GRM5: variants seen among roughly 807,000 people sequenced by gnomAD.
The protein encoded by GRM5 is metabotropic glutamate receptor 5.
GRM5 carries 19 observed loss-of-function variants against 83.1 expected under a neutral mutation model. The observed-to-expected ratio is 0.23, with a 90% CI of 0.16 to 0.34. The LOEUF (loss-of-function observed/expected upper bound fraction) is 0.34. Among genes scored for constraint, GRM5 ranks in the 10% least tolerant of loss-of-function variants. GRM5 has a pLI of 1.00. For missense variants in GRM5, 1,160 were observed against 1,588.3 expected (o/e 0.73, Z 4.58); for synonymous variants, 675 against 633.6 (o/e 1.07, Z -0.98).
At chr11:88,758,722 A>C (rs895254950) in intron 3 of GRM5, among the ~76,000 whole-genome samples, 5 of 152,186 alleles carry the variant, frequency 3.3e-5, no homozygotes, top group African/African-American at 4.8e-5. Flanking sequence ...GCAAATGTTT[A>C]TATTCAGGAA....
chr11:88,850,303 G>A, intron 2 of GRM5, 148 bp from the exon 3 acceptor site: 5 of 727,308 alleles, frequency 6.9e-6, no homozygotes, highest in Non-Finnish European at 1.1e-5. Flanking sequence ...TTGCTCTTTT[G>A]CCGAATTGCT....
Position 88,508,874 on chromosome 11 carries a change from C to G in GRM5, c.3357G>C (p.Pro1119=). 6.3e-7 allele frequency: 1 copy of G among 1,588,392 alleles called. No individual in the cohort carries two copies. The highest frequency in any genetic ancestry group is 8.6e-7 in the Non-Finnish European group (1 of 1,168,732). The change falls in exon 10 of 10, where the codon CCG becomes CCC. Residue 1119 remains proline (P), a synonymous_variant. Transcript: ENST00000305447. The surrounding 1 kb of genome is among the most constrained non-coding windows in gnomAD (Gnocchi z 4.2). ...GCGCGCCTCCCGTGACTTCGATGGC[C>G]GGCAGAGGCTGGATTTCGGCAAAGG... is the stretch of plus-strand genomic sequence containing the variant. ...MTTFAEIQPL[P]AIEVTGGAQP... is the part of the protein sequence containing the mutation.
intron 3 of GRM5, among the ~76,000 whole-genome samples, chr11:88,791,112 G>A (rs947391821): frequency 1.3e-5 from 2 of 152,170 alleles, no homozygotes; most frequent in African/African-American, 4.8e-5. Flanking sequence ...TAAACCAGTA[G>A]CATGAACAGG....
chr11:88,835,565 T>C (rs1486805809), intron 3 of GRM5, among the ~76,000 whole-genome samples: 1 of 152,162 alleles, frequency 6.6e-6, no homozygotes, highest in African/African-American at 2.4e-5. Flanking sequence ...TGGAATATGA[T>C]GGCAAAGGGG....
intron 3 of GRM5, among the ~76,000 whole-genome samples, chr11:88,789,110 C>G (rs11825174): frequency 4.9e-4 from 74 of 152,204 alleles, no homozygotes; most frequent in Non-Finnish European, 8.7e-4. Context: ...GAATCGTGTT[C>G]TAAACCAGAC....
chr11:88,737,812 G>T (rs1487170248), intron 3 of GRM5, among the ~76,000 whole-genome samples: 4 of 151,962 alleles, frequency 2.6e-5, no homozygotes, highest in African/African-American at 9.7e-5. Context: ...CATTTAAACA[G>T]ATTTAAAAGA....
At chr11:88,523,683 G>T (rs1431111259) in intron 9 of GRM5, among the ~76,000 whole-genome samples, 1 of 152,188 alleles carries the variant, frequency 6.6e-6, no homozygotes, top group Admixed American at 6.5e-5. Context: ...CATAGACAAA[G>T]TTGGCCAAGC....
intron 2 of GRM5, among the ~76,000 whole-genome samples, chr11:88,875,306 C>A (rs1944833260): frequency 6.6e-6 from 1 of 151,994 alleles, no homozygotes; most frequent in South Asian, 2.1e-4. Context: ...CTTTGCTTAT[C>A]TATTAGAAGC....
At chr11:88,767,448 G>C (rs1942645324) in intron 3 of GRM5, among the ~76,000 whole-genome samples, 1 of 151,952 alleles carries the variant, frequency 6.6e-6, no homozygotes, top group Non-Finnish European at 1.5e-5. Flanking sequence ...TGGTCGACTG[G>C]ATAAAGAAAA....
intron 4 of GRM5, among the ~76,000 whole-genome samples, chr11:88,606,040 C>T (rs1007892668): frequency 6.6e-6 from 1 of 152,122 alleles, no homozygotes; most frequent in Non-Finnish European, 1.5e-5. Flanking sequence ...GAGCATTAAG[C>T]TAAGTATCAA....
intron 3 of GRM5, among the ~76,000 whole-genome samples, chr11:88,803,344 A>C: frequency 6.6e-6 from 1 of 152,024 alleles, no homozygotes. Flanking sequence ...AGAGATATAG[A>C]TCAATGGAAC....
At position 89,001,828 on chromosome 11, in the gene GRM5, G is replaced by A. The variant is rs187815632; in HGVS notation, c.661+45384C>T. ...ACCTGGCTTATTAAAAATGTCATCC[G>A]AAGACTGTCATATCACATTAATCAT... On this transcript the variant is annotated intron_variant, in intron 2 of 9. Coordinates refer to ENST00000305447, the MANE Select transcript of GRM5 (RefSeq NM_001143831.3). Among the ~76,000 whole-genome samples the A allele has an allele frequency of 3.9e-5, 6 of 152,224 alleles. No individual in the cohort carries two copies. The East Asian group carries it at 7.7e-4, about 20-fold the overall frequency.
At chr11:88,764,838 T>A (rs1942597168) in intron 3 of GRM5, among the ~76,000 whole-genome samples, 1 of 150,810 alleles carries the variant, frequency 6.6e-6, no homozygotes, top group Non-Finnish European at 1.5e-5. Context: ...AAGGAAATAA[T>A]GAAGATTAGA....
intron 2 of GRM5, among the ~76,000 whole-genome samples, chr11:89,029,969 G>A (rs879398217): frequency 1.3e-5 from 2 of 152,026 alleles, no homozygotes; most frequent in Admixed American, 6.6e-5. Context: ...CTGTTATATT[G>A]TTATACTTTG....
intron 2 of GRM5, among the ~76,000 whole-genome samples, chr11:88,887,629 T>C (rs868192140): frequency 6.6e-6 from 1 of 152,032 alleles, no homozygotes; most frequent in Non-Finnish European, 1.5e-5. Context: ...GGAAGGAATA[T>C]AGCAAGGGGA....
At chr11:88,802,663 T>C (rs949087357) in intron 3 of GRM5, among the ~76,000 whole-genome samples, 4 of 151,764 alleles carry the variant, frequency 2.6e-5, no homozygotes, top group African/African-American at 9.7e-5. Context: ...CTATTCAACA[T>C]AGTGTTGGAA....
chr11:88,879,445 T>C (rs1228808819), intron 2 of GRM5, among the ~76,000 whole-genome samples: 1 of 151,494 alleles, frequency 6.6e-6, no homozygotes, highest in East Asian at 1.9e-4. Flanking sequence ...ATATTAATAA[T>C]TAATAAAAAA....
intron 2 of GRM5, among the ~76,000 whole-genome samples, chr11:88,983,810 T>C (rs900820133): frequency 6.6e-4 from 101 of 152,170 alleles, no homozygotes; most frequent in African/African-American, 2.2e-3. Flanking sequence ...AATGCCCCCA[T>C]GCACATTATT....
chr11:88,987,984 C>G (rs1413959879), intron 2 of GRM5, among the ~76,000 whole-genome samples: 1 of 151,410 alleles, frequency 6.6e-6, no homozygotes, highest in Non-Finnish European at 1.5e-5. Context: ...CAGTTCCTCA[C>G]CAGCAACGGA....
Sources: allele counts gnomAD v4.1 joint callset (sites outside exome capture counted in the v4.1 genomes callset), GRCh38; gene constraint gnomAD v4.1.1; non-coding constraint Gnocchi (gnomAD v3.1); transcripts MANE v1.5; gene names NCBI Gene and HGNC (gene_info 2026-07-23, HGNC 2026-07-21).